Variants in CASP10 observed in about 807,000 individuals in gnomAD.
CASP10 encodes caspase-10.
A neutral mutation model predicts 48.5 loss-of-function variants in CASP10; 41 were observed. The ratio of observed to expected loss-of-function variants is 0.85; its 90% confidence interval spans 0.66 to 1.10. The LOEUF is 1.10. CASP10 is among the 50% of genes least tolerant of loss of function. The pLI is 0.00. For missense variants in CASP10, 614 were observed against 614.5 expected, an observed-to-expected ratio of 1.00 and a Z score of 0.01; for synonymous variants, 232 against 238.4, an observed-to-expected ratio of 0.97 and a Z score of 0.25.
At position 201,219,920 on chromosome 2, in the gene CASP10, A is replaced by G; in HGVS notation, c.*2179A>G. 1 of 985,418 alleles carries G rather than the reference A, an allele frequency of 1.0e-6. No homozygotes were observed. The allele number at this position is 985,418 out of a possible 1,614,324, so 61.0% of individuals were successfully genotyped here. ...TTTGACTTCAGCCAGGTGAACTGGA[A>G]TGCCTTGGGGCGTGGAAGGGCATTA... On this transcript the variant is annotated 3_prime_UTR_variant, in exon 10 of 10. Coordinates refer to ENST00000286186, the MANE Select transcript of CASP10 (RefSeq NM_032977.4).
At chr2:201,229,389 T>C in exon 10 of CASP10, 1 of 451,382 alleles carries the variant, frequency 2.2e-6, no homozygotes, top group African/African-American at 2.0e-5. Context: ...TTTCACACTG[T>C]CCCCCAAACT....
intron 5 of CASP10, among the ~76,000 whole-genome samples, chr2:201,201,839 T>C (rs1312470704): frequency 6.6e-6 from 1 of 152,048 alleles, no homozygotes; most frequent in African/African-American, 2.4e-5. Context: ...TGCCAATAAT[T>C]GGGCTCAATG....
At position 201,219,686 on chromosome 2, in the gene CASP10, G is replaced by A; in HGVS notation, c.*1945G>A. The A allele has an allele frequency of 1.0e-6, 1 of 981,374 alleles. No homozygotes were observed. Among genetic ancestry groups the A allele is most frequent in the Non-Finnish European group, 1.2e-6 (1 of 828,332 alleles). 60.8% of individuals were successfully genotyped at this position (981,374 alleles called of 1,614,324 possible). On this transcript the variant is annotated 3_prime_UTR_variant, in exon 10 of 10. Transcript: ENST00000286186. The stretch of plus-strand genomic sequence containing the variant: ...GATGCTTTCTTCATTAAGATTTTGA[G>A]CATTTTTACGTACTTGAGCTTTTTT...
At chr2:201,200,731 C>A in intron 5 of CASP10, 2 of 1,243,732 alleles carry the variant, frequency 1.6e-6, no homozygotes, top group Admixed American at 3.7e-5. Context: ...AACACCTCCG[C>A]CTGCTTGCTG....
At chr2:201,208,641 C>T (rs2126046653) in intron 8 of CASP10, among the ~76,000 whole-genome samples, 1 of 152,262 alleles carries the variant, frequency 6.6e-6, no homozygotes, top group South Asian at 2.1e-4. Flanking sequence ...AAGCTTTAGG[C>T]TATTTGCTGT....
At chr2:201,228,752 T>C (rs940716248) in intron 9 of CASP10, among the ~76,000 whole-genome samples, 1 of 152,144 alleles carries the variant, frequency 6.6e-6, no homozygotes, top group Non-Finnish European at 1.5e-5. Context: ...ATCTTGAAGA[T>C]TGTAAACAAA....
chr2:201,224,225 C>A (rs919133143), downstream of CASP10, among the ~76,000 whole-genome samples: 2 of 152,002 alleles, frequency 1.3e-5, no homozygotes, highest in African/African-American at 4.8e-5. Context: ...CCCGCCTTGG[C>A]CTTCCAAAGT....
intron 1 of CASP10, among the ~76,000 whole-genome samples, chr2:201,184,603 C>T (rs985929383): frequency 5.3e-5 from 8 of 152,222 alleles, no homozygotes; most frequent in Admixed American, 2.0e-4. Flanking sequence ...GGATTATAGG[C>T]GTAAGCCATG....
At chr2:201,207,804 G>A (rs1487581093) in intron 7 of CASP10, among the ~76,000 whole-genome samples, 1 of 151,660 alleles carries the variant, frequency 6.6e-6, no homozygotes, top group Non-Finnish European at 1.5e-5. Context: ...ACCTGAGGCA[G>A]GTGGATCCCT....
chr2:201,220,252 C>T lies in CASP10; in HGVS notation c.*2511C>T, dbSNP rs1945688263. The stretch of plus-strand genomic sequence containing the variant: ...AGCCTCATGCATTTCAAGGAAATCA[C>T]TTCTTTTCTAACAGCGAGCAGCCAG... On this transcript the variant is annotated 3_prime_UTR_variant, in exon 10 of 10. Coordinates refer to ENST00000286186, the MANE Select transcript of CASP10 (RefSeq NM_032977.4). 1.9e-5 allele frequency: 12 copies of T among 637,376 alleles called. No homozygotes were observed. Among genetic ancestry groups the T allele is most frequent in the Non-Finnish European group, 2.3e-5 (12 of 512,470 alleles). The allele number at this position is 637,376 out of a possible 1,614,324, so 39.5% of individuals were successfully genotyped here.
chr2:201,195,085 GTTATTT>G (rs1025111320), intron 4 of CASP10, among the ~76,000 whole-genome samples: 7 of 150,160 alleles, frequency 4.7e-5, no homozygotes, highest in East Asian at 4.0e-4. Context: ...CTTGAGCTTT[GTTATTT>G]TTATTTTTAT....
chr2:201,208,386 G>A, intron 8 of CASP10: 1 of 985,284 alleles, frequency 1.0e-6, no homozygotes, highest in South Asian at 4.7e-5. Flanking sequence ...ATTCTGAATA[G>A]AGGAGAGCAT....
chr2:201,209,378 T>C lies in CASP10; in HGVS notation c.1231T>C (p.Ser411Pro), dbSNP rs1255733847. Residue 411 changes from serine to proline, a missense_variant, in exon 9 of 10, where the codon TCC (serine) becomes CCC (proline). Physicochemically the swap from Ser to Pro is moderately conservative, Grantham distance 74 (BLOSUM62 -1). Coordinates refer to ENST00000286186, the MANE Select transcript of CASP10 (RefSeq NM_032977.4). The stretch of plus-strand genomic sequence containing the variant: ...AGGTGAAGAGATACAGCCTTCCGTA[T>C]CCATCGAAGCAGATGCTCTGAACCC... ...CQGEEIQPSVSIEADALNPEQ... is the reference protein window; with the variant it reads ...CQGEEIQPSVPIEADALNPEQ... 1 of 1,614,020 alleles carries C rather than the reference T, an allele frequency of 6.2e-7. No individual in the cohort carries two copies. The highest frequency in any genetic ancestry group is 1.3e-5 in the African/African-American group (1 of 74,908).
At chr2:201,228,095 G>T (rs903927913) in intron 9 of CASP10, among the ~76,000 whole-genome samples, 4 of 152,154 alleles carry the variant, frequency 2.6e-5, no homozygotes, top group African/African-American at 9.7e-5. Context: ...CAGCACTTTG[G>T]AAGGCCAAGG....
At position 201,185,893 on chromosome 2, in the gene CASP10, T is replaced by A. The variant is rs1944398299; in HGVS notation, c.116T>A (p.Leu39His). 6.2e-7 allele frequency: 1 copy of A among 1,614,098 alleles called. No homozygotes were observed. The highest frequency in any genetic ancestry group is 2.2e-5 in the East Asian group (1 of 44,884). ...CTGGGGGTCCAAGATGTGGAGAACC[T>A]CAAGTTTCTCTGCATAGGATTGGTC... ...SNLGVQDVENLKFLCIGLVPN... is the reference protein window; with the variant it reads ...SNLGVQDVENHKFLCIGLVPN... The change falls in exon 2 of 10, where the codon CTC becomes CAC. Residue 39 changes from leucine (L) to histidine (H), a missense_variant. Transcript: ENST00000286186.
At chr2:201,196,049 TTTGTACCATTTA>T (rs1944785366) in intron 5 of CASP10, 101 bp downstream of exon 5, 7 of 764,866 alleles carry the variant, frequency 9.2e-6, no homozygotes, top group Non-Finnish European at 1.6e-5. Context: ...GAGGCCCCGG[TTTGTACCATTTA>T]TTGTAAATGG....
chr2:201,196,521 A>G (rs1944801979), intron 5 of CASP10, among the ~76,000 whole-genome samples: 1 of 152,156 alleles, frequency 6.6e-6, no homozygotes, highest in South Asian at 2.1e-4. Flanking sequence ...GTTCCTCACC[A>G]TGTGATCATG....
chr2:201,200,378 C>T (rs986319961), intron 5 of CASP10: 6 of 1,432,280 alleles, frequency 4.2e-6, no homozygotes, highest in Non-Finnish European at 5.8e-6. Flanking sequence ...CTCCAGTATT[C>T]TCTCCACATT....
Position 201,217,889 on chromosome 2 carries a change from T to G in CASP10, c.*148T>G. The G allele has an allele frequency of 6.4e-7, 1 of 1,562,542 alleles. No individual in the cohort carries two copies. The highest frequency in any genetic ancestry group is 1.4e-5 in the African/African-American group (1 of 72,484). On this transcript the variant is annotated 3_prime_UTR_variant, in exon 10 of 10. Coordinates refer to ENST00000286186, the MANE Select transcript of CASP10 (RefSeq NM_032977.4). ...TCTGACACAGTCAATTCTGATTTTC[T>G]TTTTCTTTTGCAAGTCTAAATGTTA...
Sources: allele counts gnomAD v4.1 joint callset (sites outside exome capture counted in the v4.1 genomes callset), GRCh38; gene constraint gnomAD v4.1.1; transcripts MANE v1.5; gene names NCBI Gene and HGNC (gene_info 2026-07-23, HGNC 2026-07-21).